METTL21A: variants seen among roughly 807,000 people sequenced by gnomAD.
METTL21A encodes the protein protein N-lysine methyltransferase METTL21A.
In METTL21A, 22 loss-of-function variants were observed where a neutral mutation model predicts 20.9. The ratio of observed to expected loss-of-function variants is 1.05; its 90% CI spans 0.75 to 1.50. The LOEUF (loss-of-function observed/expected upper bound fraction) is 1.50. METTL21A is among the 40% of genes most tolerant of loss of function. METTL21A has a pLI of 0.00. For synonymous variants in METTL21A, 93 were observed against 102.0 expected, an observed-to-expected ratio of 0.91 and a Z score of 0.53; for missense variants, 271 against 266.8, an observed-to-expected ratio of 1.02 and a Z score of -0.11.
chr2:207,597,238 C>A, intron 3 of METTL21A: 1 of 564,716 alleles, frequency 1.8e-6, no homozygotes, highest in Non-Finnish European at 2.8e-6. Context: ...AATGTTCCAA[C>A]ACCTGCCTCC....
At chr2:207,590,153 G>A (rs1439270699) in intron 3 of METTL21A, among the ~76,000 whole-genome samples, 1 of 113,722 alleles carries the variant, frequency 8.8e-6, no homozygotes, top group Non-Finnish European at 1.7e-5. Context: ...AGTGAGTTTT[G>A]GAAGTTTGTG....
intron 3 of METTL21A, among the ~76,000 whole-genome samples, chr2:207,604,033 G>GAA (rs1426653106): frequency 1.3e-5 from 2 of 152,184 alleles, no homozygotes; most frequent in Non-Finnish European, 2.9e-5. Flanking sequence ...AACGATTACA[G>GAA]AATTTATTGC....
Position 207,604,040 on chromosome 2 carries a change from T to C in METTL21A, c.259+17766A>G, listed in dbSNP as rs374059381. ...TCTGCAACAACGATTACAGAATTTATTGCACAAAATGAGACATTTTGAGAG... is the reference window on the plus strand; with the variant it reads ...TCTGCAACAACGATTACAGAATTTACTGCACAAAATGAGACATTTTGAGAG... On this transcript the variant is annotated intron_variant, in intron 3 of 3. Transcript: ENST00000425132. 1.2e-3 allele frequency among the ~76,000 whole-genome samples: 178 copies of C among 152,306 alleles called. 3 individuals carry two copies. In the South Asian group the frequency reaches 0.036, roughly 31 times the overall value.
At chr2:207,593,442 A>T (rs989193108) in intron 3 of METTL21A, among the ~76,000 whole-genome samples, 1 of 152,182 alleles carries the variant, frequency 6.6e-6, no homozygotes, top group Non-Finnish European at 1.5e-5. Context: ...AGGCAGGAAG[A>T]TCACTTGAGC....
At chr2:207,593,369 TAATAA>T (rs923551398) in intron 3 of METTL21A, among the ~76,000 whole-genome samples, 7 of 152,092 alleles carry the variant, frequency 4.6e-5, no homozygotes, top group African/African-American at 9.6e-5. Context: ...CTACAAAAAA[TAATAA>T]AATAAATTAG....
chr2:207,582,859 C>A (rs766762548), intron 3 of METTL21A: 6 of 325,206 alleles, frequency 1.8e-5, no homozygotes, highest in Admixed American at 3.7e-5. Context: ...CACTACTACT[C>A]CAGCCTGAGT....
chr2:207,591,349 T>A (rs1190046312), intron 3 of METTL21A, among the ~76,000 whole-genome samples: 1 of 152,220 alleles, frequency 6.6e-6, no homozygotes, highest in Non-Finnish European at 1.5e-5. Context: ...TTATATAATG[T>A]CTTTCTTTAT....
chr2:207,608,197 C>T (rs1182834721), downstream of METTL21A, among the ~76,000 whole-genome samples: 1 of 152,092 alleles, frequency 6.6e-6, no homozygotes, highest in Non-Finnish European at 1.5e-5. Context: ...TGAGGACTTC[C>T]CCGACTACAT....
rs190667442 is a variant in METTL21A at position 207,585,993 on chromosome 2, G to T, written c.260-3833C>A. On this transcript the variant is annotated intron_variant, in intron 3 of 3. Transcript: ENST00000425132. ...AAGACCTCCCATGTCTTGAGAGAGA[G>T]ATATATATCCAGATACAGGAAGGTC... is the stretch of plus-strand genomic sequence containing the variant. 7.2e-5 allele frequency among the ~76,000 whole-genome samples: 11 copies of T among 152,204 alleles called. No individual in the cohort carries two copies. In the East Asian group the frequency reaches 9.7e-4, roughly 13 times the overall value.
intron 3 of METTL21A, among the ~76,000 whole-genome samples, chr2:207,603,896 G>T (rs2087582292): frequency 6.6e-6 from 1 of 152,170 alleles, no homozygotes; most frequent in South Asian, 2.1e-4. Context: ...AATAAGTTCT[G>T]AGACGAGACA....
Position 207,624,110 on chromosome 2 carries a change from A to G in METTL21A, c.147+119T>C. 2.5e-6 allele frequency: 3 copies of G among 1,208,524 alleles called. No individual in the cohort carries two copies. The South Asian group carries it at 5.0e-5, about 20-fold the overall frequency. The allele number at this position is 1,208,524 out of a possible 1,614,324, so 74.9% of individuals were successfully genotyped here. A position where few individuals can be genotyped will look rare whatever the true frequency, so the allele number is the denominator to read the frequency against. On this transcript the variant is annotated intron_variant, in intron 2 of 3. Transcript: ENST00000406927. The stretch of plus-strand genomic sequence containing the variant: ...AACCGCACTGAATTGTGCACTTTAA[A>G]TAGGTAAAGTGTATGCTATGTGAAT...
chr2:207,585,396 AC>A (rs1559063575), intron 3 of METTL21A, among the ~76,000 whole-genome samples: 2 of 152,148 alleles, frequency 1.3e-5, no homozygotes, highest in African/African-American at 4.8e-5. Context: ...AATCCAGAGC[AC>A]CCTACCCAGC....
intron 3 of METTL21A, chr2:207,601,302 C>G (rs2087011393): frequency 5.4e-6 from 1 of 185,322 alleles, no homozygotes; most frequent in South Asian, 2.0e-4. Context: ...TTAAGAAATT[C>G]CCTCATCAAG....
intron 3 of METTL21A, chr2:207,597,258 C>G: frequency 2.0e-6 from 1 of 493,362 alleles, no homozygotes; most frequent in Non-Finnish European, 3.4e-6. Context: ...CACTTCTCCC[C>G]TCAAGAAATT....
intron 3 of METTL21A, among the ~76,000 whole-genome samples, chr2:207,583,711 G>A (rs1574924626): frequency 6.6e-6 from 1 of 152,114 alleles, no homozygotes; most frequent in South Asian, 2.1e-4. Context: ...TCTTTGTGCT[G>A]TATAGTTTTA....
chr2:207,585,640 T>G (rs2083686398), intron 3 of METTL21A, among the ~76,000 whole-genome samples: 1 of 151,910 alleles, frequency 6.6e-6, no homozygotes, highest in African/African-American at 2.4e-5. Context: ...TTAAGAAAAC[T>G]CAGCAAGAAA....
intron 3 of METTL21A, among the ~76,000 whole-genome samples, chr2:207,603,808 G>A (rs1306538204): frequency 6.6e-6 from 1 of 152,156 alleles, no homozygotes; most frequent in South Asian, 2.1e-4. Context: ...AAATTGGAAG[G>A]AAAGGGGAGG....
At chr2:207,624,780 C>T (rs2090935322) in intron 1 of METTL21A, 1 of 152,640 alleles carries the variant, frequency 6.6e-6, no homozygotes, top group African/African-American at 2.4e-5. Context: ...ACCCGGGCGC[C>T]CGGACTGCAG....
rs138084844 is a variant in METTL21A, at chr2:207,624,442, A to G, written c.-29-38T>C. 327 of 1,530,670 alleles carry G rather than the reference A, an allele frequency of 2.1e-4. 1 individual carries two copies. The African/African-American group carries it at 4.1e-3, about 19-fold the overall frequency. 94.8% of individuals were successfully genotyped at this position (1,530,670 alleles called of 1,614,324 possible). On this transcript the variant is annotated intron_variant, in intron 1 of 3. Coordinates refer to ENST00000406927, the Ensembl canonical transcript of METTL21A. ...AGAATCCTGGGTGACGCTCTGGCCA[A>G]AAGATACATTATCTGTTCTTAACTA...
Sources: gnomAD v4.1 joint callset for allele counts (sites outside exome capture counted in the v4.1 genomes callset) on GRCh38, gnomAD v4.1.1 for gene constraint, MANE v1.5 for transcripts, NCBI Gene and HGNC (gene_info 2026-07-23, HGNC 2026-07-21) for gene names.